WWC2: variants seen among roughly 807,000 people sequenced by gnomAD.
The protein encoded by WWC2 is protein WWC2.
In WWC2, 101 loss-of-function variants were observed where a neutral mutation model predicts 138.5. The observed-to-expected ratio is 0.73, with a 90% CI of 0.62 to 0.86. WWC2 has a LOEUF of 0.86. Among genes scored for constraint, WWC2 ranks in the 40% least tolerant of loss-of-function variants. The pLI is 0.00. For missense variants in WWC2, 1,420 were observed against 1,419.4 expected (o/e 1.00, Z -0.01); for synonymous variants, 558 against 538.4 (o/e 1.04, Z -0.50).
intron 4 of WWC2, among the ~76,000 whole-genome samples, chr4:183,222,155 C>T (rs937766737): frequency 1.3e-5 from 2 of 151,948 alleles, no homozygotes; most frequent in African/African-American, 4.8e-5. Context: ...TATAAAGAGG[C>T]GTGAGGAAAT....
chr4:183,285,648 T>TA (rs1738222960), intron 19 of WWC2, among the ~76,000 whole-genome samples: 1 of 151,996 alleles, frequency 6.6e-6, no homozygotes, highest in East Asian at 1.9e-4. Context: ...TAATCCGAGT[T>TA]ACTACAGAGG....
intron 21 of WWC2, among the ~76,000 whole-genome samples, chr4:183,294,214 A>C (rs892298869): frequency 8.5e-5 from 13 of 152,148 alleles, no homozygotes; most frequent in Non-Finnish European, 1.5e-4. Flanking sequence ...AAGAATTAAT[A>C]ATGTGGAGAT....
intron 1 of WWC2, among the ~76,000 whole-genome samples, chr4:183,146,769 G>C (rs949950850): frequency 6.6e-6 from 1 of 152,216 alleles, no homozygotes; most frequent in Admixed American, 6.5e-5. Flanking sequence ...TTAGAAACCA[G>C]TTGTGGTCTG....
intron 21 of WWC2, among the ~76,000 whole-genome samples, chr4:183,293,941 T>A (rs377753136): frequency 6.6e-6 from 1 of 152,120 alleles, no homozygotes; most frequent in South Asian, 2.1e-4. Context: ...ATTTATTACA[T>A]CCATGTAGAG....
chr4:183,276,572 T>G (rs994928788), intron 16 of WWC2, among the ~76,000 whole-genome samples: 10 of 152,190 alleles, frequency 6.6e-5, no homozygotes, highest in Admixed American at 2.0e-4. Context: ...TAACTCCATT[T>G]TATTCCCTTT....
chr4:183,262,690 G>GAA (rs201720266), intron 11 of WWC2, among the ~76,000 whole-genome samples: 2,776 of 152,322 alleles, frequency 0.018, 42 homozygotes, highest in Middle Eastern at 0.048. Flanking sequence ...ATAACCAGGG[G>GAA]AATGGTGTGT....
At position 183,248,872 on chromosome 4, in the gene WWC2, G is replaced by A. The variant is rs907357; in HGVS notation, c.879+12G>A. ...GCATTTCCGGAGATGTAAGTTATCT[G>A]TGCTGAAGAGTTGGCCCAGTGTTGT... On this transcript the variant is annotated intron_variant, in intron 7 of 22. Coordinates refer to ENST00000403733, the MANE Select transcript of WWC2 (RefSeq NM_024949.6). 1 allele frequency: 1,579,715 copies of A among 1,580,534 alleles called. 789,449 individuals carry two copies. Among genetic ancestry groups the A allele is most frequent in the Middle Eastern group, 1 (5,914 of 5,914 alleles).
Position 183,265,734 on chromosome 4 carries a change from A to G in WWC2, c.2086A>G (p.Ile696Val), listed in dbSNP as rs1031579281. 8.1e-6 allele frequency: 13 copies of G among 1,611,886 alleles called. No homozygotes were observed. The African/African-American group carries it at 1.3e-4, about 17-fold the overall frequency. ...CACATACAGTGAAGAGGATGTAGCCATTGTAGAGACCGCCCAGGTTCAGAT... is the reference window on the plus strand; with the variant it reads ...CACATACAGTGAAGAGGATGTAGCCGTTGTAGAGACCGCCCAGGTTCAGAT... ...DVTYSEEDVA[I>V]VETAQVQIGL... Residue 696 changes from isoleucine to valine, a missense_variant, in exon 13 of 23, where the codon ATT becomes GTT. Coordinates refer to ENST00000403733, the MANE Select transcript of WWC2 (RefSeq NM_024949.6).
At chr4:183,281,865 C>T (rs1738087817) in intron 17 of WWC2, among the ~76,000 whole-genome samples, 1 of 152,216 alleles carries the variant, frequency 6.6e-6, no homozygotes, top group East Asian at 1.9e-4. Context: ...ATGTAAAATA[C>T]AAGTTGTTTC....
At chr4:183,225,589 T>G (rs928946067) in intron 4 of WWC2, among the ~76,000 whole-genome samples, 4 of 151,746 alleles carry the variant, frequency 2.6e-5, no homozygotes, top group Admixed American at 6.6e-5. Flanking sequence ...AATGGGGGAG[T>G]AGCAGACAAA....
At chr4:183,297,281 T>C (rs946296106) in intron 21 of WWC2, among the ~76,000 whole-genome samples, 1 of 151,688 alleles carries the variant, frequency 6.6e-6, no homozygotes, top group African/African-American at 2.4e-5. Context: ...CCTAGAGGAT[T>C]TGTGATCTTT....
intron 4 of WWC2, among the ~76,000 whole-genome samples, chr4:183,229,203 T>C (rs993893289): frequency 6.6e-6 from 1 of 152,108 alleles, no homozygotes; most frequent in Non-Finnish European, 1.5e-5. Flanking sequence ...TTACTTTCAG[T>C]GTGTATGTTG....
chr4:183,138,061 T>A (rs1733176757), intron 1 of WWC2, among the ~76,000 whole-genome samples: 1 of 152,206 alleles, frequency 6.6e-6, no homozygotes, highest in East Asian at 1.9e-4. Context: ...GCTGAGGGGC[T>A]CTGCCAGTCT....
At chr4:183,110,431 T>A (rs891295644) in intron 1 of WWC2, among the ~76,000 whole-genome samples, 1 of 131,048 alleles carries the variant, frequency 7.6e-6, no homozygotes, top group Non-Finnish European at 1.7e-5. Context: ...TCTGTAGAGC[T>A]ATTTTTTTTT....
intron 22 of WWC2, among the ~76,000 whole-genome samples, chr4:183,313,350 A>G (rs867788473): frequency 6.6e-6 from 1 of 152,126 alleles, no homozygotes; most frequent in Non-Finnish European, 1.5e-5. Flanking sequence ...TGTAGGGCAG[A>G]TATCAGAGGC....
intron 1 of WWC2, among the ~76,000 whole-genome samples, chr4:183,154,480 T>C (rs996151312): frequency 6.6e-5 from 10 of 152,172 alleles, no homozygotes; most frequent in African/African-American, 2.2e-4. Flanking sequence ...TTGTCCTGAA[T>C]GAGGAGGAAA....
chr4:183,220,574 C>T (rs1735895333), intron 4 of WWC2, among the ~76,000 whole-genome samples: 1 of 151,458 alleles, frequency 6.6e-6, no homozygotes, highest in Non-Finnish European at 1.5e-5. Flanking sequence ...GTGGCTCACG[C>T]CTGTAATTCC....
intron 14 of WWC2, among the ~76,000 whole-genome samples, chr4:183,268,700 C>T (rs1183410250): frequency 1.3e-5 from 2 of 152,100 alleles, no homozygotes; most frequent in African/African-American, 4.8e-5. Context: ...GATTTTCTTC[C>T]TCTTCACTTT....
chr4:183,131,189 T>G (rs924537897), intron 1 of WWC2, among the ~76,000 whole-genome samples: 1 of 152,164 alleles, frequency 6.6e-6, no homozygotes, highest in Admixed American at 6.5e-5. Context: ...CCGTGTAAAC[T>G]TCACATCTTA....
Sources: allele counts gnomAD v4.1 joint callset (sites outside exome capture counted in the v4.1 genomes callset), GRCh38; gene constraint gnomAD v4.1.1; transcripts MANE v1.5; gene names NCBI Gene and HGNC (gene_info 2026-07-23, HGNC 2026-07-21).